The following PTPMT1 variants were observed in gnomAD, a reference collection of about 807,000 sequenced individuals.
PTPMT1 encodes protein tyrosine phosphatase mitochondrial 1.
Under a neutral mutation model 17.8 loss-of-function variants are expected in PTPMT1, and 12 were observed. The ratio of observed to expected loss-of-function variants is 0.67; its 90% confidence interval spans 0.43 to 1.09. PTPMT1 has a LOEUF of 1.09. PTPMT1 is among the 50% of genes least tolerant of loss of function. PTPMT1 has a pLI of 0.00. For synonymous variants in PTPMT1, 132 were observed against 116.8 expected (o/e 1.13, Z -0.84); for missense variants, 262 against 266.0 (o/e 0.99, Z 0.10).
intron 2 of PTPMT1, among the ~76,000 whole-genome samples, chr11:47,567,419 A>G (rs1203731636): frequency 6.6e-6 from 1 of 151,678 alleles, no homozygotes; most frequent in Admixed American, 6.6e-5. Flanking sequence ...AAAAAAAAAG[A>G]ATTACTGATC....
chr11:47,568,556 G>T (rs2097247631), intron 2 of PTPMT1, among the ~76,000 whole-genome samples: 3 of 151,994 alleles, frequency 2.0e-5, no homozygotes. Flanking sequence ...GTGGCATGCA[G>T]CTGTAGTCAC....
chr11:47,573,306 G>T lies in PTPMT1; in HGVS notation c.*1677G>T. The T allele has an allele frequency of 6.2e-7, 1 of 1,614,174 alleles. No individual in the cohort carries two copies. Among genetic ancestry groups the T allele is most frequent in the Admixed American group, 1.7e-5 (1 of 60,026 alleles). On this transcript the variant is annotated 3_prime_UTR_variant, in exon 4 of 4. Coordinates refer to ENST00000326674, the MANE Select transcript of PTPMT1 (RefSeq NM_175732.3). This position sits in a 1 kb window ranked among gnomAD's most constrained non-coding sequence, Gnocchi z 4.1. ...GCACTGGATGAGTCGGGAAGGTTTGGTAAAGAAGTCCAGATCATTCTCCTC... is the reference window on the plus strand; with the variant it reads ...GCACTGGATGAGTCGGGAAGGTTTGTTAAAGAAGTCCAGATCATTCTCCTC...
Position 47,566,049 on chromosome 11 carries a change from C to T in PTPMT1, c.255+63C>T, listed in dbSNP as rs957850602. 39 of 1,489,952 alleles carry T rather than the reference C, an allele frequency of 2.6e-5. No homozygotes were observed. In the African/African-American group the frequency reaches 5.0e-4, roughly 19 times the overall value. The allele number at this position is 1,489,952 out of a possible 1,614,324, so 92.3% of individuals were successfully genotyped here. The stretch of plus-strand genomic sequence containing the variant: ...CTCCCCCTCGCCCACCGCCCTGAGC[C>T]TGGGACGGCTAGAGAAGTGTGGGGG... On this transcript the variant is annotated intron_variant, in intron 2 of 3. Transcript: ENST00000326674.
At position 47,565,728 on chromosome 11, in the gene PTPMT1, G is replaced by C; in HGVS notation, c.106G>C (p.Asp36His). 4 of 1,588,140 alleles carry C rather than the reference G, an allele frequency of 2.5e-6. No homozygotes were observed. The highest frequency in any genetic ancestry group is 3.4e-6 in the Non-Finnish European group (4 of 1,169,608). Residue 36 changes from aspartate to histidine, a missense_variant, in exon 1 of 4, where the codon GAC (aspartate) becomes CAC (histidine). By Grantham distance (81) the Asp-to-His change is moderately conservative. Transcript: ENST00000326674. Reference sequence around the variant, plus strand: ...GAAGGTGCCGGGTCGGGCGCACCGGGACTGGTACCACCGCATCGACCCCAC... The same window carrying C: ...GAAGGTGCCGGGTCGGGCGCACCGGCACTGGTACCACCGCATCGACCCCAC... Reference protein sequence around the residue: ...RGKVPGRAHRDWYHRIDPTVL... With the variant: ...RGKVPGRAHRHWYHRIDPTVL...
intron 2 of PTPMT1, among the ~76,000 whole-genome samples, chr11:47,567,321 G>T (rs938195528): frequency 6.6e-6 from 1 of 151,460 alleles, no homozygotes; most frequent in East Asian, 2.0e-4. Flanking sequence ...CAGGAGAATC[G>T]CTTGAACCCG....
In PTPMT1 at chr11:47,573,330, TC is replaced by T. The variant is rs756343868; in HGVS notation, c.*1708del. On this transcript the variant is annotated 3_prime_UTR_variant, in exon 4 of 4. Transcript: ENST00000326674. The surrounding 1 kb of genome is among the most constrained non-coding windows in gnomAD (Gnocchi z 4.1). ...GGTAAAGAAGTCCAGATCATTCTCC[TC>T]CCCCCCTAGTAAGTAGATGATCCCG... 15 of 1,613,806 alleles carry T rather than the reference TC, an allele frequency of 9.3e-6. No homozygotes were observed. The highest frequency in any genetic ancestry group is 7.7e-5 in the South Asian group (7 of 91,064).
rs538251279 is a variant in PTPMT1, at chr11:47,566,008, C to G, written c.255+22C>G. 6.2e-6 allele frequency: 9 copies of G among 1,453,398 alleles called. No individual in the cohort carries two copies. The African/African-American group carries it at 1.5e-4, about 24-fold the overall frequency. The allele number at this position is 1,453,398 out of a possible 1,614,324, so 90.0% of individuals were successfully genotyped here. On this transcript the variant is annotated intron_variant, in intron 2 of 3. Transcript: ENST00000326674. Reference sequence around the variant, plus strand: ...ACAGGTGAGGGACCGGGCCGAGGGGCAGGCTCGGGGGCCCGCTCCCCCTCG... The same window carrying G: ...ACAGGTGAGGGACCGGGCCGAGGGGGAGGCTCGGGGGCCCGCTCCCCCTCG...
At position 47,573,378 on chromosome 11, in the gene PTPMT1, C is replaced by T; in HGVS notation, c.*1749C>T. The T allele has an allele frequency of 6.2e-7, 1 of 1,614,206 alleles. No homozygotes were observed. Among genetic ancestry groups the T allele is most frequent in the Non-Finnish European group, 8.5e-7 (1 of 1,180,044 alleles). ...CCCGTTGAGGTTGGCACCAGCAGCC[C>T]CTGACACAGCCACCTCTAGCTGAGT... On this transcript the variant is annotated 3_prime_UTR_variant, in exon 4 of 4. Transcript: ENST00000326674. The surrounding 1 kb of genome is among the most constrained non-coding windows in gnomAD (Gnocchi z 4.1).
rs932056648 is a variant in PTPMT1 at position 47,565,901 on chromosome 11, G to A, written c.175-5G>A. On this transcript the variant is annotated splice_polypyrimidine_tract_variant and splice_region_variant and intron_variant, in intron 1 of 3. Coordinates refer to ENST00000326674, the MANE Select transcript of PTPMT1 (RefSeq NM_175732.3). ...CTTTGCTGAGCCACCTCTTTGCCTC[G>A]GCAGCTGGTACAGGACGAGAACGTG... is the stretch of plus-strand genomic sequence containing the variant. The A allele has an allele frequency of 8.7e-6, 14 of 1,612,312 alleles. No homozygotes were observed. Among genetic ancestry groups the A allele is most frequent in the Admixed American group, 3.3e-5 (2 of 59,870 alleles).
rs759031580 is a variant in PTPMT1, at chr11:47,571,560, T to TA, written c.540dup (p.Glu181ArgfsTer27). 10 of 1,613,948 alleles carry TA rather than the reference T, an allele frequency of 6.2e-6. No homozygotes were observed. Among genetic ancestry groups the TA allele is most frequent in the Non-Finnish European group, 7.6e-6 (9 of 1,180,002 alleles). ...TCAGGCCTGGCCAGCTGGATGTTCT[T>TA]AAAGAGTTCCACAAGCAGATTACTG... On this transcript the variant is annotated frameshift_variant, in exon 4 of 4. Coordinates refer to ENST00000326674, the MANE Select transcript of PTPMT1 (RefSeq NM_175732.3). LOFTEE classifies it low-confidence loss of function (END_TRUNC).
chr11:47,568,360 C>A (rs946714377), intron 2 of PTPMT1, among the ~76,000 whole-genome samples: 3 of 151,980 alleles, frequency 2.0e-5, no homozygotes, highest in Admixed American at 6.6e-5. Context: ...TGAATCACTA[C>A]ACAGGTGCCA....
chr11:47,571,847 A>G lies in PTPMT1; in HGVS notation c.*218A>G, dbSNP rs2097249942. The G allele has an allele frequency of 3.8e-6, 2 of 530,036 alleles. No homozygotes were observed. The highest frequency in any genetic ancestry group is 3.8e-5 in the African/African-American group (2 of 52,012). The allele number at this position is 530,036 out of a possible 1,614,324, so 32.8% of individuals were successfully genotyped here. On this transcript the variant is annotated 3_prime_UTR_variant, in exon 4 of 4. Coordinates refer to ENST00000326674, the MANE Select transcript of PTPMT1 (RefSeq NM_175732.3). ...TTAGTGTGGCTTGTATTCATGGGAT[A>G]CAGGACAGGGATGGGGCTATCATCT...
intron 3 of PTPMT1, 39 bp downstream of exon 3, chr11:47,569,930 A>G (rs2097248645): frequency 1.3e-6 from 2 of 1,537,238 alleles, no homozygotes; most frequent in Non-Finnish European, 1.8e-6. Context: ...CGTGGTACAC[A>G]CTTATGATCC....
rs1006798726 is a variant in PTPMT1, at chr11:47,565,961, C to T, written c.230C>T (p.Thr77Met). The T allele has an allele frequency of 6.9e-6, 11 of 1,601,754 alleles. No individual in the cohort carries two copies. The highest frequency in any genetic ancestry group is 5.2e-5 in the Admixed American group (3 of 58,154). ...GVITMNEEYETRFLCNSSQEW... is the reference protein window; with the variant it reads ...GVITMNEEYEMRFLCNSSQEW... ...ATCACCATGAACGAGGAGTACGAGA[C>T]GAGGTTCCTGTGCAACTCTTCACAG... The change falls in exon 2 of 4, where the codon ACG becomes ATG. Residue 77 changes from threonine (T) to methionine (M), a missense_variant. Thr to Met is a moderately conservative substitution (Grantham distance 81). Transcript: ENST00000326674.
chr11:47,568,380 A>C (rs2097247509), intron 2 of PTPMT1, among the ~76,000 whole-genome samples: 1 of 152,052 alleles, frequency 6.6e-6, no homozygotes, highest in Non-Finnish European at 1.5e-5. Context: ...AAAATTATGC[A>C]AAAAAATTAC....
chr11:47,568,990 C>T (rs1208429217), intron 2 of PTPMT1, among the ~76,000 whole-genome samples: 2 of 151,938 alleles, frequency 1.3e-5, no homozygotes, highest in African/African-American at 4.8e-5. Context: ...CATGCCCGGC[C>T]AAAATAAAAT....
chr11:47,566,082 C>G, intron 2 of PTPMT1, 96 bp downstream of exon 2: 1 of 1,350,058 alleles, frequency 7.4e-7, no homozygotes, highest in South Asian at 1.6e-5. Context: ...GGGAGGTCAC[C>G]ATGCACCGGA....
At chr11:47,571,018 G>C (rs948140255) in intron 3 of PTPMT1, among the ~76,000 whole-genome samples, 2 of 152,152 alleles carry the variant, frequency 1.3e-5, no homozygotes, top group African/African-American at 4.8e-5. Context: ...GTATCCTTAG[G>C]ACATGTTAAC....
chr11:47,573,215 G>A lies in PTPMT1; in HGVS notation c.*1586G>A, dbSNP rs146486534. On this transcript the variant is annotated 3_prime_UTR_variant, in exon 4 of 4. Transcript: ENST00000326674. The surrounding 1 kb of genome is among the most constrained non-coding windows in gnomAD (Gnocchi z 4.1). ...ACACCAGATCTTTATGCACAGCTGC[G>A]TGCATGCGGCCTGCAAAGGGCAGCA... 1.0e-4 allele frequency: 166 copies of A among 1,614,146 alleles called. 1 individual carries two copies. Among genetic ancestry groups the A allele is most frequent in the Middle Eastern group, 6.6e-4 (4 of 6,062 alleles).
Sources: allele counts gnomAD v4.1 joint callset (sites outside exome capture counted in the v4.1 genomes callset), GRCh38; gene constraint gnomAD v4.1.1; non-coding constraint Gnocchi (gnomAD v3.1); transcripts MANE v1.5; gene names NCBI Gene and HGNC (gene_info 2026-07-23, HGNC 2026-07-21).